Variants in RSRC1 observed in about 807,000 individuals in gnomAD.
RSRC1 encodes serine/Arginine-related protein 53.
Under a neutral mutation model 49.1 loss-of-function variants are expected in RSRC1, and 39 were observed. The ratio of observed to expected loss-of-function variants is 0.79; its 90% CI spans 0.61 to 1.04. The LOEUF (loss-of-function observed/expected upper bound fraction) is 1.04. Among genes scored for constraint, RSRC1 ranks in the 50% least tolerant of loss-of-function variants. RSRC1 has a pLI of 0.00. For missense variants in RSRC1, 388 were observed against 402.4 expected, an observed-to-expected ratio of 0.96 and a Z score of 0.31; for synonymous variants, 143 against 130.8, an observed-to-expected ratio of 1.09 and a Z score of -0.63.
At chr3:158,265,500 G>A (rs1427690166) in intron 4 of RSRC1, among the ~76,000 whole-genome samples, 2 of 151,958 alleles carry the variant, frequency 1.3e-5, no homozygotes, top group Non-Finnish European at 2.9e-5. Context: ...GCGTGGTAAC[G>A]GACACCTGTA....
At chr3:158,224,881 A>C (rs1201619754) in intron 4 of RSRC1, among the ~76,000 whole-genome samples, 1 of 151,894 alleles carries the variant, frequency 6.6e-6, no homozygotes, top group Non-Finnish European at 1.5e-5. Context: ...CTGTTTTAAC[A>C]ACTGAAAAAG....
intron 7 of RSRC1, among the ~76,000 whole-genome samples, chr3:158,491,248 C>G (rs1739071817): frequency 6.6e-6 from 1 of 152,074 alleles, no homozygotes; most frequent in East Asian, 1.9e-4. Context: ...CACTGAAAAC[C>G]TCTTTGCCCA....
chr3:158,132,904 G>A (rs1190470969), intron 3 of RSRC1, among the ~76,000 whole-genome samples: 2 of 152,132 alleles, frequency 1.3e-5, no homozygotes, highest in Admixed American at 1.3e-4. Context: ...AGTACGTTGG[G>A]ATCAGCCTAG....
At chr3:158,244,332 G>T (rs183410928) in intron 4 of RSRC1, among the ~76,000 whole-genome samples, 6 of 152,120 alleles carry the variant, frequency 3.9e-5, no homozygotes, top group Admixed American at 3.9e-4. Context: ...CAACATGAAG[G>T]GATGTTGAAT....
rs561190069 is a variant in RSRC1, at chr3:158,259,115, G to A, written c.495-38924G>A. 3.9e-5 allele frequency among the ~76,000 whole-genome samples: 6 copies of A among 152,182 alleles called. No homozygotes were observed. In the East Asian group the frequency reaches 5.8e-4, roughly 15 times the overall value. On this transcript the variant is annotated intron_variant, in intron 4 of 9. Transcript: ENST00000611884. Reference sequence around the variant, plus strand: ...TTCTGGAATGTTTTGATTCTTCTGCGTGTTCATCGGTGTCTGGGCATTGAA... The same window carrying A: ...TTCTGGAATGTTTTGATTCTTCTGCATGTTCATCGGTGTCTGGGCATTGAA...
chr3:158,431,052 CTAAG>C (rs1460844967), intron 6 of RSRC1, among the ~76,000 whole-genome samples: 11 of 151,914 alleles, frequency 7.2e-5, no homozygotes, highest in Admixed American at 6.6e-4. Context: ...TTTTGTCCAA[CTAAG>C]TATTTTCCAA....
chr3:158,330,355 G>A (rs1349021215), intron 5 of RSRC1, among the ~76,000 whole-genome samples: 2 of 152,122 alleles, frequency 1.3e-5, no homozygotes, highest in Admixed American at 6.5e-5. Flanking sequence ...TTCCTATTCA[G>A]CCATCTTGCT....
chr3:158,420,017 T>TC (rs1326912454), intron 6 of RSRC1, among the ~76,000 whole-genome samples: 1 of 151,586 alleles, frequency 6.6e-6, no homozygotes, highest in African/African-American at 2.4e-5. Context: ...CACTGCTCTC[T>TC]CCCCCCACTT....
At chr3:158,460,192 C>T (rs891492941) in intron 6 of RSRC1, among the ~76,000 whole-genome samples, 1 of 151,886 alleles carries the variant, frequency 6.6e-6, no homozygotes, top group African/African-American at 2.4e-5. Context: ...ACTTAGTTCA[C>T]TCATCAGGCA....
intron 4 of RSRC1, among the ~76,000 whole-genome samples, chr3:158,226,116 T>G (rs1182968911): frequency 6.6e-6 from 1 of 151,918 alleles, no homozygotes. Flanking sequence ...TGGCTGCTGC[T>G]GGTTCCTCTG....
At chr3:158,324,171 GCTTT>G (rs1308846434) in intron 5 of RSRC1, among the ~76,000 whole-genome samples, 2 of 151,932 alleles carry the variant, frequency 1.3e-5, no homozygotes, top group African/African-American at 4.8e-5. Flanking sequence ...CTGGTATATG[GCTTT>G]CTATCATTCT....
intron 6 of RSRC1, among the ~76,000 whole-genome samples, chr3:158,440,558 C>G (rs539100156): frequency 6.6e-6 from 1 of 152,160 alleles, no homozygotes; most frequent in South Asian, 2.1e-4. Flanking sequence ...CTATAAATCT[C>G]CCAATTTCTG....
At chr3:158,276,244 T>G in intron 4 of RSRC1, 1 of 773,026 alleles carries the variant, frequency 1.3e-6, no homozygotes. Flanking sequence ...CTATATATAA[T>G]GTAACCTTTC....
intron 4 of RSRC1, among the ~76,000 whole-genome samples, chr3:158,273,354 C>T (rs1725627645): frequency 1.3e-5 from 2 of 152,130 alleles, no homozygotes; most frequent in African/African-American, 4.8e-5. Context: ...CATACATATA[C>T]ACACACAGAT....
chr3:158,500,859 T>A (rs1282598422), intron 7 of RSRC1, among the ~76,000 whole-genome samples: 1 of 152,120 alleles, frequency 6.6e-6, no homozygotes, highest in Non-Finnish European at 1.5e-5. Flanking sequence ...CAATTTCATT[T>A]AGTTCTGCTC....
At chr3:158,383,843 T>C (rs1205042625) in intron 6 of RSRC1, among the ~76,000 whole-genome samples, 1 of 152,188 alleles carries the variant, frequency 6.6e-6, no homozygotes, top group African/African-American at 2.4e-5. Context: ...GTAGATTAGC[T>C]CTGAGAGTCA....
chr3:158,475,044 A>G (rs1738307845), intron 7 of RSRC1, among the ~76,000 whole-genome samples: 1 of 152,016 alleles, frequency 6.6e-6, no homozygotes, highest in Admixed American at 6.6e-5. Flanking sequence ...CCTCTAGAGT[A>G]GCTGGGACGA....
intron 3 of RSRC1, among the ~76,000 whole-genome samples, chr3:158,188,598 T>G (rs1351028246): frequency 6.6e-6 from 1 of 151,988 alleles, no homozygotes; most frequent in Non-Finnish European, 1.5e-5. Flanking sequence ...GCATAGTATC[T>G]GAATCAGTTG....
intron 7 of RSRC1, among the ~76,000 whole-genome samples, chr3:158,494,133 T>C (rs73154306): frequency 0.21 from 32,406 of 152,092 alleles, 3,863 homozygotes; most frequent in South Asian, 0.32. Context: ...TTAGGTGTCA[T>C]TTTGCAAACA....
Sources: gnomAD v4.1 joint callset for allele counts (sites outside exome capture counted in the v4.1 genomes callset) on GRCh38, gnomAD v4.1.1 for gene constraint, MANE v1.5 for transcripts, NCBI Gene and HGNC (gene_info 2026-07-23, HGNC 2026-07-21) for gene names.